ERC2: variants seen among roughly 807,000 people sequenced by gnomAD.
ERC2 encodes the protein ERC protein 2.
Under a neutral mutation model 114.8 loss-of-function variants are expected in ERC2, and 42 were observed. That is an observed-to-expected ratio of 0.37 (90% CI 0.29 to 0.47). The LOEUF is 0.47. Among genes scored for constraint, ERC2 ranks in the 20% least tolerant of loss-of-function variants. The probability of loss-of-function intolerance (pLI) is 0.99; values close to 1 mark genes in which losing one functional copy is unlikely to be tolerated. For missense variants in ERC2, 939 were observed against 1,150.7 expected (o/e 0.82, Z 2.66); for synonymous variants, 454 against 425.5 (o/e 1.07, Z -0.82).
At chr3:56,066,279 G>A (rs2076478451) in intron 7 of ERC2, among the ~76,000 whole-genome samples, 2 of 152,138 alleles carry the variant, frequency 1.3e-5, no homozygotes, top group South Asian at 4.1e-4. Context: ...GTTTTGATTT[G>A]CATTTCTCTA....
At chr3:55,616,901 G>A in intron 17 of ERC2, among the ~76,000 whole-genome samples, 1 of 152,174 alleles carries the variant, frequency 6.6e-6, no homozygotes, top group Admixed American at 6.5e-5. Context: ...GTGAAAAACA[G>A]GGGAGGAGGT....
chr3:56,288,078 G>T (rs11706502), intron 3 of ERC2, among the ~76,000 whole-genome samples: 51,905 of 151,946 alleles, frequency 0.34, 9,055 homozygotes, highest in African/African-American at 0.37. Context: ...ATACCAAGCC[G>T]CCTCCACATG....
intron 2 of ERC2, among the ~76,000 whole-genome samples, chr3:56,423,494 A>C (rs1257292428): frequency 6.6e-6 from 1 of 152,242 alleles, no homozygotes; most frequent in African/African-American, 2.4e-5. Flanking sequence ...CCCTGGAGAA[A>C]AAACTGCCCA....
intron 3 of ERC2, among the ~76,000 whole-genome samples, chr3:56,280,865 T>C (rs2054294693): frequency 6.6e-6 from 1 of 152,204 alleles, no homozygotes; most frequent in Admixed American, 6.5e-5. Context: ...AAGTTACAAA[T>C]TCTCTGTGCC....
At chr3:56,211,407 G>T (rs527293568) in intron 3 of ERC2, among the ~76,000 whole-genome samples, 2 of 152,192 alleles carry the variant, frequency 1.3e-5, no homozygotes, top group Admixed American at 6.5e-5. Flanking sequence ...GGAGGTGAAA[G>T]ACTTCTACAA....
chr3:55,664,580 C>T (rs1325349990), intron 17 of ERC2, among the ~76,000 whole-genome samples: 3 of 152,148 alleles, frequency 2.0e-5, no homozygotes, highest in Non-Finnish European at 4.4e-5. Context: ...GGGTTACCAT[C>T]TCGCCTTTGA....
intron 17 of ERC2, among the ~76,000 whole-genome samples, chr3:55,592,685 G>A (rs555545832): frequency 6.6e-6 from 1 of 152,246 alleles, no homozygotes; most frequent in Admixed American, 6.5e-5. Flanking sequence ...TGGATCCTTG[G>A]ATCAGATTAC....
intron 2 of ERC2, among the ~76,000 whole-genome samples, chr3:56,346,253 T>C (rs1005937372): frequency 6.6e-6 from 1 of 152,208 alleles, no homozygotes; most frequent in African/African-American, 2.4e-5. Flanking sequence ...ATGACTAAAA[T>C]ATGGTCTCCA....
At chr3:56,052,828 T>C (rs763564363) in intron 7 of ERC2, among the ~76,000 whole-genome samples, 4 of 152,094 alleles carry the variant, frequency 2.6e-5, no homozygotes, top group African/African-American at 2.4e-5. Context: ...CACATAATCA[T>C]AGGACTGTCA....
chr3:56,408,719 G>A (rs1181072912), intron 2 of ERC2, among the ~76,000 whole-genome samples: 1 of 152,202 alleles, frequency 6.6e-6, no homozygotes, highest in Non-Finnish European at 1.5e-5. Flanking sequence ...AGAACTAAAC[G>A]AGGTGGTAAG....
intron 3 of ERC2, among the ~76,000 whole-genome samples, chr3:56,197,855 G>A (rs142328290): frequency 2.9e-3 from 436 of 152,276 alleles, no homozygotes; most frequent in Non-Finnish European, 4.6e-3. Flanking sequence ...AAAATTCTTA[G>A]TGTTTGGGTT....
At chr3:56,064,482 A>G (rs1002609623) in intron 7 of ERC2, among the ~76,000 whole-genome samples, 1 of 152,222 alleles carries the variant, frequency 6.6e-6, no homozygotes, top group African/African-American at 2.4e-5. Flanking sequence ...CTCCATGTCA[A>G]TGAGTGCTAT....
intron 3 of ERC2, among the ~76,000 whole-genome samples, chr3:56,215,786 A>G (rs576790117): frequency 5.3e-5 from 8 of 152,352 alleles, no homozygotes; most frequent in African/African-American, 1.7e-4. Context: ...AAATTAAAAC[A>G]AACTGTCTCT....
chr3:56,196,457 G>A (rs545536635), intron 3 of ERC2, among the ~76,000 whole-genome samples: 10 of 150,936 alleles, frequency 6.6e-5, no homozygotes, highest in South Asian at 2.1e-4. Flanking sequence ...CTCTAAACTC[G>A]CTGCTGAGTC....
chr3:56,137,713 C>T (rs1454670122), intron 6 of ERC2, among the ~76,000 whole-genome samples: 1 of 152,204 alleles, frequency 6.6e-6, no homozygotes, highest in East Asian at 1.9e-4. Flanking sequence ...TGGTTGACCC[C>T]TATTTGAGAC....
intron 14 of ERC2, among the ~76,000 whole-genome samples, chr3:55,851,752 T>C (rs974912958): frequency 2.7e-5 from 4 of 148,376 alleles, no homozygotes; most frequent in South Asian, 2.1e-4. Context: ...CAAAACTGCA[T>C]GAGAAAAAAA....
chr3:56,096,940 A>G (rs549804281), intron 6 of ERC2, among the ~76,000 whole-genome samples: 4 of 152,236 alleles, frequency 2.6e-5, no homozygotes, highest in Non-Finnish European at 4.4e-5. Flanking sequence ...ATTCAGAAAC[A>G]TCTTTTATGC....
At chr3:55,543,502 T>A (rs2054538730) in intron 17 of ERC2, among the ~76,000 whole-genome samples, 1 of 152,220 alleles carries the variant, frequency 6.6e-6, no homozygotes, top group Admixed American at 6.5e-5. Context: ...CGAGGCCTAG[T>A]GGCCTCAGGC....
At chr3:55,579,658 C>T (rs560646090) in intron 17 of ERC2, among the ~76,000 whole-genome samples, 7 of 152,358 alleles carry the variant, frequency 4.6e-5, no homozygotes, top group East Asian at 1.9e-4. Flanking sequence ...GGAAAGCCCT[C>T]GGTTTACTTC....
Sources: allele counts gnomAD v4.1 joint callset (sites outside exome capture counted in the v4.1 genomes callset), GRCh38; gene constraint gnomAD v4.1.1; transcripts MANE v1.5; gene names NCBI Gene and HGNC (gene_info 2026-07-23, HGNC 2026-07-21).